PITRM1: variants seen among roughly 807,000 people sequenced by gnomAD.
PITRM1 encodes the protein pitrilysin metallopeptidase 1, also known as presequence protease, mitochondrial.
A neutral mutation model predicts 129.9 loss-of-function variants in PITRM1; 100 were observed. The ratio of observed to expected loss-of-function variants is 0.77; its 90% CI spans 0.65 to 0.91. PITRM1 has a LOEUF of 0.91. Ranked by LOEUF, PITRM1 falls within the 40% of genes least tolerant of loss-of-function variation. PITRM1 has a pLI of 0.00. For missense variants in PITRM1, 1,471 were observed against 1,318.3 expected, an observed-to-expected ratio of 1.12 and a Z score of -1.79; for synonymous variants, 591 against 508.8, an observed-to-expected ratio of 1.16 and a Z score of -2.17.
At chr10:3,144,480 G>C in intron 21 of PITRM1, 114 bp from the exon 22 acceptor site, 1 of 647,720 alleles carries the variant, frequency 1.5e-6, no homozygotes. Flanking sequence ...TAGGGCAGGT[G>C]TAAGTGTTTT....
intron 19 of PITRM1, 66 bp from the exon 20 acceptor site, chr10:3,147,316 A>G: frequency 3.3e-6 from 4 of 1,206,784 alleles, no homozygotes; most frequent in African/African-American, 1.5e-5. Flanking sequence ...GTCTGAACCA[A>G]GCACCTGTGA....
chr10:3,149,331 T>TA, intron 16 of PITRM1: 1 of 261,214 alleles, frequency 3.8e-6, no homozygotes, highest in South Asian at 9.1e-5. Context: ...TCCAATTACT[T>TA]ACATTTTCGG....
Position 3,145,621 on chromosome 10 carries a change from C to T in PITRM1, c.2432G>A (p.Arg811Lys), listed in dbSNP as rs1276889116. Reference protein sequence around the residue: ...RSIGRSKKERRPVRPHTVEKP... With the variant: ...RSIGRSKKERKPVRPHTVEKP... ...CTCGACCGTGTGTGGGCGCACAGGCCTCCGTTCCTTTTTACTCCGACCGAT... is the reference window on the plus strand; with the variant it reads ...CTCGACCGTGTGTGGGCGCACAGGCTTCCGTTCCTTTTTACTCCGACCGAT... The change falls in exon 21 of 27, where the codon AGG becomes AAG. Residue 811 changes from arginine to lysine, a missense_variant. Physicochemically the swap from Arg to Lys is conservative, Grantham distance 26. Transcript: ENST00000224949. The T allele has an allele frequency of 1.3e-6, 2 of 1,550,046 alleles. No homozygotes were observed. Among genetic ancestry groups the T allele is most frequent in the Non-Finnish European group, 1.7e-6 (2 of 1,146,988 alleles).
At chr10:3,146,480 C>T (rs45547433) in intron 20 of PITRM1, 10,153 of 152,362 alleles carry the variant, frequency 0.067, 381 homozygotes, top group Non-Finnish European at 0.088. Context: ...GCTGACCCGG[C>T]GGCACCAGAA....
At chr10:3,160,424 C>T (rs1005968099) in intron 7 of PITRM1, 94 bp from the exon 8 acceptor site, 18 of 1,029,228 alleles carry the variant, frequency 1.7e-5, no homozygotes, top group East Asian at 2.4e-5. Flanking sequence ...ACAGGAGTGC[C>T]CCTTACCCAA....
chr10:3,167,234 C>G (rs1396670095), intron 2 of PITRM1, among the ~76,000 whole-genome samples, 192 bp from the exon 3 acceptor site: 1 of 151,032 alleles, frequency 6.6e-6, no homozygotes, highest in African/African-American at 2.4e-5. Flanking sequence ...GAAAGACAGA[C>G]CTAAAAAAGG....
upstream of PITRM1, chr10:3,172,829 C>CGGGGCG: frequency 6.6e-7 from 1 of 1,508,346 alleles, no homozygotes; most frequent in Non-Finnish European, 8.9e-7. Context: ...ACGCAGGGCG[C>CGGGGCG]GGGGCGGGGC....
At chr10:3,159,275 C>G (rs1215602112) in intron 9 of PITRM1, among the ~76,000 whole-genome samples, 4 of 152,176 alleles carry the variant, frequency 2.6e-5, no homozygotes, top group Non-Finnish European at 5.9e-5. Flanking sequence ...CATGGGACAG[C>G]CTGCCAAGCA....
chr10:3,167,169 T>C, intron 2 of PITRM1, 127 bp from the exon 3 acceptor site: 1 of 617,530 alleles, frequency 1.6e-6, no homozygotes, highest in Non-Finnish European at 2.9e-6. Context: ...AGGCAGTATT[T>C]CAGAGCTGGA....
At chr10:3,170,061 AATGT>A (rs1843207161) in intron 2 of PITRM1, 39 bp downstream of exon 2, 2 of 1,416,724 alleles carry the variant, frequency 1.4e-6, no homozygotes, top group African/African-American at 2.8e-5. Flanking sequence ...CCGCACCTGC[AATGT>A]ATGTGGATTT....
At chr10:3,168,731 T>C (rs946414202) in intron 2 of PITRM1, among the ~76,000 whole-genome samples, 5 of 152,218 alleles carry the variant, frequency 3.3e-5, no homozygotes, top group African/African-American at 9.6e-5. Context: ...TTGTGTTTCC[T>C]GAGGCCTCCC....
intron 25 of PITRM1, chr10:3,138,618 C>G (rs41306304): frequency 0.039 from 23,453 of 604,806 alleles, 614 homozygotes; most frequent in Non-Finnish European, 0.053. Flanking sequence ...AGTAACGTGG[C>G]CATGCCCGGG....
chr10:3,150,929 T>C (rs566727935), intron 15 of PITRM1, among the ~76,000 whole-genome samples: 70 of 152,002 alleles, frequency 4.6e-4, no homozygotes, highest in African/African-American at 1.7e-3. Context: ...ACGCCTCGAT[T>C]TTTAAAACTG....
chr10:3,143,540 A>G, intron 22 of PITRM1, 39 bp from the exon 23 acceptor site: 1 of 1,385,660 alleles, frequency 7.2e-7, no homozygotes, highest in Non-Finnish European at 1.0e-6. Flanking sequence ...CTGTGCTGCC[A>G]TGCACCGCCC....
At position 3,148,278 on chromosome 10, in the gene PITRM1, G is replaced by T. The variant is rs1259520936; in HGVS notation, c.1885C>A (p.Leu629Ile). The part of the protein sequence containing the change: ...CSVLTKLGCG[L>I]LDYREQAQQI... Reference sequence around the variant, plus strand: ...TGAGCCTGCTCCCGGTAGTCAAGAAGGCCGCAGCCCAGCCTGACACAGCAG... The same window carrying T: ...TGAGCCTGCTCCCGGTAGTCAAGAATGCCGCAGCCCAGCCTGACACAGCAG... The change falls in exon 17 of 27, where the codon CTT (leucine) becomes ATT (isoleucine). Residue 629 changes from leucine to isoleucine, a missense_variant. By Grantham distance (5) the Leu-to-Ile change is conservative. Transcript: ENST00000224949. The T allele has an allele frequency of 1.2e-6, 2 of 1,611,906 alleles. No homozygotes were observed. Among genetic ancestry groups the T allele is most frequent in the Admixed American group, 3.3e-5 (2 of 59,824 alleles).
chr10:3,166,380 G>T lies in PITRM1; in HGVS notation c.267C>A (p.Ser89Arg). Residue 89 changes from serine to arginine, a missense_variant and splice_region_variant, in exon 4 of 27, where the codon AGC (serine) becomes AGA (arginine). Physicochemically the swap from Ser to Arg is moderately radical, Grantham distance 110 (BLOSUM62 -1). Transcript: ENST00000224949. ...CCATGGGAGTAGTACGGAACTGCAC[G>T]CTAGGGAAGGAGAATGACCAGAACG... ...LAREDTNNLFSVQFRTTPMDS... is the reference protein window; with the variant it reads ...LAREDTNNLFRVQFRTTPMDS... The T allele has an allele frequency of 6.6e-7, 1 of 1,507,086 alleles. No individual in the cohort carries two copies. Among genetic ancestry groups the T allele is most frequent in the Non-Finnish European group, 9.2e-7 (1 of 1,089,932 alleles). The allele number at this position is 1,507,086 out of a possible 1,614,324, so 93.4% of individuals were successfully genotyped here. A position where few individuals can be genotyped will look rare whatever the true frequency, so the allele number is the denominator to read the frequency against.
intron 23 of PITRM1, among the ~76,000 whole-genome samples, chr10:3,141,178 T>G (rs970005721): frequency 3.3e-5 from 5 of 152,222 alleles, no homozygotes; most frequent in Non-Finnish European, 5.9e-5. Context: ...TGGCTTCAAG[T>G]GATCCTCCTG....
At chr10:3,138,835 G>T in intron 25 of PITRM1, 69 bp downstream of exon 25, 1 of 1,487,210 alleles carries the variant, frequency 6.7e-7, no homozygotes, top group Non-Finnish European at 9.4e-7. Flanking sequence ...TGCATGCCGG[G>T]AACTTGGAAA....
chr10:3,143,894 C>A, intron 22 of PITRM1: 1 of 527,296 alleles, frequency 1.9e-6, no homozygotes, highest in South Asian at 1.7e-5. Flanking sequence ...GGAACCAAAC[C>A]AAACAGCATC....
Sources: allele counts gnomAD v4.1 joint callset (sites outside exome capture counted in the v4.1 genomes callset), GRCh38; gene constraint gnomAD v4.1.1; transcripts MANE v1.5; gene names NCBI Gene and HGNC (gene_info 2026-07-23, HGNC 2026-07-21).